Variants in GLIPR1L2 observed in about 807,000 individuals in gnomAD.
The protein encoded by GLIPR1L2 is GLIPR1 like 2, also known as GLIPR1-like protein 2.
GLIPR1L2 carries 21 observed loss-of-function variants against 28.4 expected under a neutral mutation model. That is an observed-to-expected ratio of 0.74 (90% CI 0.52 to 1.06). The LOEUF is 1.06. GLIPR1L2 is among the 50% of genes least tolerant of loss of function. The pLI, the probability that GLIPR1L2 is intolerant of heterozygous loss-of-function variation, is 0.00. For synonymous variants in GLIPR1L2, 145 were observed against 139.3 expected (o/e 1.04, Z -0.29); for missense variants, 476 against 416.9 (o/e 1.14, Z -1.23).
At chr12:75,412,768 C>A (rs1321401295) in intron 2 of GLIPR1L2, among the ~76,000 whole-genome samples, 2 of 151,372 alleles carry the variant, frequency 1.3e-5, no homozygotes, top group African/African-American at 2.4e-5. Context: ...TAGTTCAACC[C>A]TTGTGGAAGT....
At chr12:75,414,539 C>T (rs1490156994) in intron 3 of GLIPR1L2, among the ~76,000 whole-genome samples, 2 of 152,002 alleles carry the variant, frequency 1.3e-5, no homozygotes, top group African/African-American at 4.8e-5. Context: ...AAGAACTATG[C>T]TGTGCATCAA....
rs146417404 is a variant in GLIPR1L2 at position 75,396,888 on chromosome 12, A to G, written c.234+5538A>G. On this transcript the variant is annotated intron_variant, in intron 1 of 5. Transcript: ENST00000550916. ...TCTCCAGCTACTTTAAATATTTTAT[A>G]TTTGCTGTTCTGTAGTTTTACCCCA... Among the ~76,000 whole-genome samples the G allele has an allele frequency of 3.9e-3, 596 of 152,228 alleles. 3 individuals are homozygous for G. The highest frequency in any genetic ancestry group is 6.2e-3 in the Non-Finnish European group (419 of 67,994).
intron 3 of GLIPR1L2, among the ~76,000 whole-genome samples, chr12:75,418,617 C>T (rs2045946639): frequency 6.6e-6 from 1 of 152,112 alleles, no homozygotes; most frequent in South Asian, 2.1e-4. Context: ...TAACGTGATG[C>T]CTCCAGCTTT....
Position 75,431,110 on chromosome 12 carries a change from GGAGGA to G in GLIPR1L2, c.986_990del (p.Glu329GlyfsTer46), listed in dbSNP as rs1566081748. 1.0e-6 allele frequency: 1 copy of G among 974,948 alleles called. No individual in the cohort carries two copies. The highest frequency in any genetic ancestry group is 1.6e-6 in the Non-Finnish European group (1 of 643,140). 60.4% of individuals were successfully genotyped at this position (974,948 alleles called of 1,614,324 possible). A position where few individuals can be genotyped will look rare whatever the true frequency, so the allele number is the denominator to read the frequency against. On this transcript the variant is annotated frameshift_variant, in exon 6 of 6. Transcript: ENST00000550916. LOFTEE classifies it low-confidence loss of function (END_TRUNC). ...TGGAGGAGGAAAAAGAAGAGAGAGA[GGAGGA>G]GGAGGAGGAAACACAAAAAGAAAAG...
intron 1 of GLIPR1L2, among the ~76,000 whole-genome samples, chr12:75,409,018 G>C (rs985649626): frequency 2.0e-5 from 3 of 151,960 alleles, no homozygotes. Flanking sequence ...AAAACTCTAA[G>C]GCAAGCTTGT....
At chr12:75,426,583 A>G (rs969374374) in intron 4 of GLIPR1L2, among the ~76,000 whole-genome samples, 1 of 152,194 alleles carries the variant, frequency 6.6e-6, no homozygotes, top group Non-Finnish European at 1.5e-5. Flanking sequence ...ACCTGAAGCT[A>G]TACAGAGAAA....
rs375246095 is a variant in GLIPR1L2, at chr12:75,400,412, G to A, written c.234+9062G>A. ...GCTGGGATTACAGGCGTGAGCCACC[G>A]TGCCCGGCCTGAACGTTCTTTATAC... is the stretch of plus-strand genomic sequence containing the variant. On this transcript the variant is annotated intron_variant, in intron 1 of 5. Coordinates refer to ENST00000550916, the MANE Select transcript of GLIPR1L2 (RefSeq NM_001270396.2). 1.1e-4 allele frequency among the ~76,000 whole-genome samples: 16 copies of A among 152,282 alleles called. 1 individual carries two copies. The East Asian group carries it at 1.7e-3, about 17-fold the overall frequency.
At chr12:75,391,831 A>G (rs2045609117) in intron 1 of GLIPR1L2, among the ~76,000 whole-genome samples, 1 of 151,814 alleles carries the variant, frequency 6.6e-6, no homozygotes, top group African/African-American at 2.4e-5. Flanking sequence ...TTTTTCCATC[A>G]TCGATGTCAC....
chr12:75,412,245 T>C (rs961063712), intron 2 of GLIPR1L2, among the ~76,000 whole-genome samples: 4 of 152,020 alleles, frequency 2.6e-5, no homozygotes, highest in African/African-American at 9.7e-5. Flanking sequence ...AACCAGAGGT[T>C]GAAAATTGAT....
rs74665285 is a variant in GLIPR1L2 at position 75,416,558 on chromosome 12, A to G, written c.584+2857A>G. Among the ~76,000 whole-genome samples, 17 of 152,280 alleles carry G rather than the reference A, an allele frequency of 1.1e-4. No homozygotes were observed. In the East Asian group the frequency reaches 3.1e-3, roughly 28 times the overall value. On this transcript the variant is annotated intron_variant, in intron 3 of 5. Coordinates refer to ENST00000550916, the MANE Select transcript of GLIPR1L2 (RefSeq NM_001270396.2). Reference sequence around the variant, plus strand: ...GGTACTTGGAAGTCAAGTGAAGAACATGAGCTAAGAAGCCCAAACTGGTTA... The same window carrying G: ...GGTACTTGGAAGTCAAGTGAAGAACGTGAGCTAAGAAGCCCAAACTGGTTA...
Position 75,410,625 on chromosome 12 carries a change from A to C in GLIPR1L2, c.426A>C (p.Lys142Asn). 7 of 1,611,842 alleles carry C rather than the reference A, an allele frequency of 4.3e-6. No individual in the cohort carries two copies. The highest frequency in any genetic ancestry group is 5.9e-6 in the Non-Finnish European group (7 of 1,178,590). Reference protein sequence around the residue: ...IAIRSWHAEKKMYNFENGSCS... With the variant: ...IAIRSWHAEKNMYNFENGSCS... ...TCAGAAGTTGGCATGCAGAGAAGAA[A>C]ATGTACAATTTTGAAAATGGCAGTT... is the stretch of plus-strand genomic sequence containing the variant. The change falls in exon 2 of 6, where the codon AAA becomes AAC. Residue 142 changes from lysine to asparagine, a missense_variant. Transcript: ENST00000550916.
chr12:75,416,182 A>G (rs1238904770), intron 3 of GLIPR1L2, among the ~76,000 whole-genome samples: 1 of 152,150 alleles, frequency 6.6e-6, no homozygotes, highest in East Asian at 1.9e-4. Context: ...TGTTTAGTCT[A>G]AAAAACTGGG....
Position 75,406,147 on chromosome 12 carries a change from T to TC in GLIPR1L2, c.235-4287_235-4286insC, listed in dbSNP as rs1431272071. On this transcript the variant is annotated intron_variant, in intron 1 of 5. Coordinates refer to ENST00000550916, the MANE Select transcript of GLIPR1L2 (RefSeq NM_001270396.2). ...CACTTTTAAAAGAGCTAAGGTCTTT[T>TC]TTTAAAAAAAAATTATGTTACCCCC... Among the ~76,000 whole-genome samples, 25 of 112,694 alleles carry TC rather than the reference T, an allele frequency of 2.2e-4. 1 individual carries two copies. In the South Asian group the frequency reaches 7.6e-3, roughly 34 times the overall value. The allele number at this position is 112,694 out of a possible 152,430, so 73.9% of individuals were successfully genotyped here.
chr12:75,422,187 T>C (rs1463809483), intron 3 of GLIPR1L2, among the ~76,000 whole-genome samples: 1 of 151,418 alleles, frequency 6.6e-6, no homozygotes, highest in Non-Finnish European at 1.5e-5. Flanking sequence ...AGAGACGAGG[T>C]CTTGCTATGT....
At chr12:75,410,358 G>A in intron 1 of GLIPR1L2, 76 bp from the exon 2 acceptor site, 1 of 1,336,992 alleles carries the variant, frequency 7.5e-7, no homozygotes, top group East Asian at 2.4e-5. Flanking sequence ...TAAATCTAAT[G>A]ATAACTCAAG....
chr12:75,415,636 C>T (rs2045916127), intron 3 of GLIPR1L2, among the ~76,000 whole-genome samples: 1 of 152,052 alleles, frequency 6.6e-6, no homozygotes, highest in Admixed American at 6.6e-5. Context: ...TACCTGCTTC[C>T]AAGCTCATTC....
In GLIPR1L2 at chr12:75,408,472, G is replaced by A. The variant is rs79816708; in HGVS notation, c.235-1962G>A. 4.5e-3 allele frequency among the ~76,000 whole-genome samples: 680 copies of A among 151,998 alleles called. 10 individuals carry two copies. Among genetic ancestry groups the A allele is most frequent in the African/African-American group, 0.016 (650 of 41,510 alleles). On this transcript the variant is annotated intron_variant, in intron 1 of 5. Transcript: ENST00000550916. ...ATAATGCATACCTCCTAGGGTTATT[G>A]GAACATTCAGTGAGATAATACATAA...
At chr12:75,417,938 A>G (rs2045939228) in intron 3 of GLIPR1L2, among the ~76,000 whole-genome samples, 1 of 152,150 alleles carries the variant, frequency 6.6e-6, no homozygotes, top group Non-Finnish European at 1.5e-5. Context: ...TGACCATAAG[A>G]ATTTATGCTT....
chr12:75,415,201 A>G (rs1417517915), intron 3 of GLIPR1L2, among the ~76,000 whole-genome samples: 1 of 152,246 alleles, frequency 6.6e-6, no homozygotes, highest in African/African-American at 2.4e-5. Flanking sequence ...ATATAATAAC[A>G]TACATTATGT....
Sources: allele counts gnomAD v4.1 joint callset (sites outside exome capture counted in the v4.1 genomes callset), GRCh38; gene constraint gnomAD v4.1.1; transcripts MANE v1.5; gene names NCBI Gene and HGNC (gene_info 2026-07-23, HGNC 2026-07-21).